Variants in FRMD3 observed in about 807,000 individuals in gnomAD.
The protein encoded by FRMD3 is FERM domain containing 3.
Under a neutral mutation model 70.2 loss-of-function variants are expected in FRMD3, and 33 were observed. The ratio of observed to expected loss-of-function variants is 0.47; its 90% CI spans 0.36 to 0.63. The LOEUF is 0.63. Among genes scored for constraint, FRMD3 ranks in the 20% least tolerant of loss-of-function variants. FRMD3 has a pLI of 0.00. For synonymous variants in FRMD3, 279 were observed against 255.9 expected (o/e 1.09, Z -0.86); for missense variants, 632 against 711.4 (o/e 0.89, Z 1.27).
intron 13 of FRMD3, among the ~76,000 whole-genome samples, chr9:83,275,777 A>G (rs1024959377): frequency 1.3e-5 from 2 of 152,228 alleles, no homozygotes; most frequent in Admixed American, 6.5e-5. Context: ...GTTTACTCCA[A>G]CTATAGGGGT....
intron 3 of FRMD3, among the ~76,000 whole-genome samples, chr9:83,368,479 T>C (rs1247736472): frequency 6.6e-6 from 1 of 151,760 alleles, no homozygotes; most frequent in Admixed American, 6.6e-5. Flanking sequence ...CTACAGGCTA[T>C]GTTAATTTAA....
intron 1 of FRMD3, among the ~76,000 whole-genome samples, chr9:83,483,241 C>T (rs1828610169): frequency 6.6e-6 from 1 of 152,150 alleles, no homozygotes; most frequent in African/African-American, 2.4e-5. Flanking sequence ...TTTCCTCCTA[C>T]TCTGCCATGT....
At chr9:83,300,932 G>A (rs900402371) in intron 10 of FRMD3, among the ~76,000 whole-genome samples, 12 of 152,154 alleles carry the variant, frequency 7.9e-5, no homozygotes, top group African/African-American at 2.9e-4. Context: ...GAAAGCCATA[G>A]GAACAATCTT....
chr9:83,455,671 T>A (rs2131425929), intron 1 of FRMD3, among the ~76,000 whole-genome samples: 1 of 152,358 alleles, frequency 6.6e-6, no homozygotes, highest in East Asian at 1.9e-4. Flanking sequence ...GTGTTTTAAA[T>A]AGGTGTTTTT....
At chr9:83,521,281 C>T (rs939503914) in intron 1 of FRMD3, among the ~76,000 whole-genome samples, 5 of 152,152 alleles carry the variant, frequency 3.3e-5, no homozygotes, top group Non-Finnish European at 5.9e-5. Context: ...AACTGGCAAA[C>T]TCAGCCTGGG....
intron 1 of FRMD3, among the ~76,000 whole-genome samples, chr9:83,523,610 G>T (rs1829627264): frequency 6.6e-6 from 1 of 152,098 alleles, no homozygotes; most frequent in East Asian, 1.9e-4. Context: ...CTCTATGGAG[G>T]TACAATTTGG....
chr9:83,420,498 C>G (rs185150154), intron 1 of FRMD3, among the ~76,000 whole-genome samples: 1 of 152,164 alleles, frequency 6.6e-6, no homozygotes, highest in Non-Finnish European at 1.5e-5. Context: ...CTCCTAATGG[C>G]AACAGTAAAC....
At chr9:83,495,866 G>A (rs1219310284) in intron 1 of FRMD3, among the ~76,000 whole-genome samples, 1 of 152,136 alleles carries the variant, frequency 6.6e-6, no homozygotes, top group Non-Finnish European at 1.5e-5. Flanking sequence ...AATTATGGTT[G>A]GAATGACAAT....
intron 1 of FRMD3, among the ~76,000 whole-genome samples, chr9:83,508,335 T>G (rs927281849): frequency 2.6e-5 from 4 of 152,168 alleles, no homozygotes; most frequent in Non-Finnish European, 5.9e-5. Context: ...TGGAGCTAGG[T>G]GCTGTCATCA....
chr9:83,409,491 T>G (rs1449979160), intron 1 of FRMD3, among the ~76,000 whole-genome samples: 1 of 152,204 alleles, frequency 6.6e-6, no homozygotes, highest in Non-Finnish European at 1.5e-5. Flanking sequence ...GACTAGCTTT[T>G]CCCCACGTTA....
At chr9:83,487,624 G>C (rs1176012329) in intron 1 of FRMD3, among the ~76,000 whole-genome samples, 1 of 152,148 alleles carries the variant, frequency 6.6e-6, no homozygotes, top group Non-Finnish European at 1.5e-5. Context: ...CCAGTTCCTG[G>C]GGATGCAGAC....
chr9:83,581,265 C>T, the FRMD3 span, among the ~76,000 whole-genome samples: 4 of 152,086 alleles, frequency 2.6e-5, no homozygotes, highest in Non-Finnish European at 5.9e-5. Context: ...AGAACTCTTA[C>T]AACTCAATAA....
rs1031974462 is a variant in FRMD3, at chr9:83,537,804, G to T, written c.147+281C>A. On this transcript the variant is annotated intron_variant, in intron 1 of 13. Transcript: ENST00000304195. The surrounding 1 kb of genome is among the most constrained non-coding windows in gnomAD (Gnocchi z 4.1). Reference sequence around the variant, plus strand: ...GAGTCCCTCCGGAGGCAGCTGCCCCGCGCCCCTAGCCCGGGCGCAGTGAGA... The same window carrying T: ...GAGTCCCTCCGGAGGCAGCTGCCCCTCGCCCCTAGCCCGGGCGCAGTGAGA... Among the ~76,000 whole-genome samples the T allele has an allele frequency of 6.6e-6, 1 of 152,138 alleles. No individual in the cohort carries two copies. Among genetic ancestry groups the T allele is most frequent in the Admixed American group, 6.5e-5 (1 of 15,290 alleles).
intron 1 of FRMD3, among the ~76,000 whole-genome samples, chr9:83,405,979 G>T (rs1045231371): frequency 1.3e-5 from 2 of 151,926 alleles, no homozygotes; most frequent in Non-Finnish European, 2.9e-5. Flanking sequence ...TTTCACATAG[G>T]CAATTTCTTT....
intron 2 of FRMD3, among the ~76,000 whole-genome samples, chr9:83,387,475 C>T (rs1825544823): frequency 6.6e-6 from 1 of 152,146 alleles, no homozygotes. Context: ...TAATGAAGAA[C>T]ACTCATGGTA....
intron 12 of FRMD3, among the ~76,000 whole-genome samples, chr9:83,296,848 C>T (rs1244048414): frequency 6.6e-6 from 1 of 152,174 alleles, no homozygotes; most frequent in East Asian, 1.9e-4. Context: ...CCACCTGTTA[C>T]CAAGAGCCTG....
intron 1 of FRMD3, among the ~76,000 whole-genome samples, chr9:83,520,642 T>C (rs771421010): frequency 1.1e-3 from 164 of 152,328 alleles, no homozygotes; most frequent in Non-Finnish European, 1.9e-3. Context: ...GCTACCAAAC[T>C]GGACAGCACA....
rs550445368 is a variant in FRMD3, at chr9:83,479,515, T to A, written c.147+58570A>T. ...GGTGGTACATGCCTGTAGTCCCAGA[T>A]AACTTGGGAGGCTGAGGCAGGAGGA... On this transcript the variant is annotated intron_variant, in intron 1 of 13. Transcript: ENST00000304195. 1.9e-3 allele frequency among the ~76,000 whole-genome samples: 267 copies of A among 142,758 alleles called. 4 individuals carry two copies. Among genetic ancestry groups the A allele is most frequent in the African/African-American group, 6.9e-3 (264 of 38,036 alleles). 93.7% of individuals were successfully genotyped at this position (142,758 alleles called of 152,430 possible). A position where few individuals can be genotyped will look rare whatever the true frequency, so the allele number is the denominator to read the frequency against.
rs1379777271 is a variant in FRMD3, at chr9:83,389,629, C to G, written c.227G>C (p.Arg76Pro). The G allele has an allele frequency of 6.2e-7, 1 of 1,613,552 alleles. No individual in the cohort carries two copies. Among genetic ancestry groups the G allele is most frequent in the South Asian group, 1.1e-5 (1 of 91,076 alleles). The stretch of plus-strand genomic sequence containing the variant: ...CCTTTGCTTCTCTGGGTCCACATAG[C>G]GAATGCCAAAGTAGTCCTTCTCCAG... ...SLLEKDYFGI[R>P]YVDPEKQRHW... Residue 76 changes from arginine (R) to proline (P), a missense_variant, in exon 2 of 14, where the codon CGC becomes CCC. Arg to Pro is a moderately radical substitution (Grantham distance 103). This residue lies in a region of FRMD3 where 208 missense variants were observed against 247.7 expected (regional missense o/e 0.84). Transcript: ENST00000304195.
Sources: allele counts gnomAD v4.1 joint callset (sites outside exome capture counted in the v4.1 genomes callset), GRCh38; gene constraint gnomAD v4.1.1; regional missense constraint gnomAD v4.1.1; non-coding constraint Gnocchi (gnomAD v3.1); transcripts MANE v1.5; gene names NCBI Gene and HGNC (gene_info 2026-07-23, HGNC 2026-07-21).